The following NTF3 variants were observed in gnomAD, a reference collection of about 807,000 sequenced individuals.
The protein encoded by NTF3 is neurotrophin 3.
In NTF3, 8 loss-of-function variants were observed where a neutral mutation model predicts 26.3. The observed-to-expected ratio is 0.30, with a 90% CI of 0.18 to 0.55. The LOEUF is 0.55. Among genes scored for constraint, NTF3 ranks in the 20% least tolerant of loss-of-function variants. NTF3 has a pLI of 0.93. For synonymous variants in NTF3, 154 were observed against 145.5 expected (o/e 1.06, Z -0.42); for missense variants, 276 against 352.9 (o/e 0.78, Z 1.75).
intron 1 of NTF3, among the ~76,000 whole-genome samples, chr12:5,461,854 G>A (rs1335144801): frequency 2.0e-5 from 3 of 152,092 alleles, no homozygotes; most frequent in South Asian, 2.1e-4. Context: ...GCTGATCCAC[G>A]ACTCTTATTT....
chr12:5,445,590 A>G (rs1482758854), intron 1 of NTF3, among the ~76,000 whole-genome samples: 1 of 152,154 alleles, frequency 6.6e-6, no homozygotes, highest in Non-Finnish European at 1.5e-5. Flanking sequence ...GACTATTCCA[A>G]TCTCACTTTG....
At position 5,491,904 on chromosome 12, in the gene NTF3, C is replaced by T. The variant is rs929718044; in HGVS notation, c.19-2290C>T. 5.3e-5 allele frequency among the ~76,000 whole-genome samples: 8 copies of T among 151,326 alleles called. No homozygotes were observed. The South Asian group carries it at 6.3e-4, about 12-fold the overall frequency. ...GCTAATTTTTGTATTTTTTTTTAGACGGGGTTTCACCTTGTTAGCCAGGAT... is the reference window on the plus strand; with the variant it reads ...GCTAATTTTTGTATTTTTTTTTAGATGGGGTTTCACCTTGTTAGCCAGGAT... On this transcript the variant is annotated intron_variant, in intron 1 of 1. Transcript: ENST00000423158.
chr12:5,443,703 A>G lies in NTF3; in HGVS notation c.18+11361A>G, dbSNP rs372159326. Among the ~76,000 whole-genome samples the G allele has an allele frequency of 1.6e-4, 25 of 152,302 alleles. 1 individual carries two copies. The South Asian group carries it at 5.2e-3, about 32-fold the overall frequency. On this transcript the variant is annotated intron_variant, in intron 1 of 1. Transcript: ENST00000423158. Reference sequence around the variant, plus strand: ...TCTTTGAGTATTTGAGACTTTTGGTAGCTGTGGATTAAAATGAGGAAAAGA... The same window carrying G: ...TCTTTGAGTATTTGAGACTTTTGGTGGCTGTGGATTAAAATGAGGAAAAGA...
chr12:5,432,257 T>C lies in NTF3; in HGVS notation c.-68T>C, dbSNP rs1253562657. On this transcript the variant is annotated 5_prime_UTR_variant, in exon 1 of 2. Coordinates refer to ENST00000423158, the MANE Select transcript of NTF3 (RefSeq NM_001102654.2). ...GGCTGCGGCGGGGTGGGGGAGACTT[T>C]GAATGACCGAGCTCGCGTCCACCTT... is the stretch of plus-strand genomic sequence containing the variant. 4.3e-5 allele frequency: 68 copies of C among 1,584,550 alleles called. No homozygotes were observed. The highest frequency in any genetic ancestry group is 5.9e-5 in the Non-Finnish European group (68 of 1,154,400).
intron 1 of NTF3, among the ~76,000 whole-genome samples, chr12:5,442,727 A>T (rs1940254404): frequency 1.3e-5 from 2 of 152,214 alleles, no homozygotes; most frequent in Non-Finnish European, 1.5e-5. Flanking sequence ...TTTAGAATTT[A>T]GAAGGGAGCC....
intron 1 of NTF3, among the ~76,000 whole-genome samples, chr12:5,452,317 G>A (rs1425659351): frequency 6.6e-6 from 1 of 151,024 alleles, no homozygotes; most frequent in Non-Finnish European, 1.5e-5. Flanking sequence ...GGAAGGTCTC[G>A]ATCTCTTGAC....
At position 5,494,045 on chromosome 12, in the gene NTF3, A is replaced by G. The variant is rs1295327297; in HGVS notation, c.19-149A>G. ...TGGGGGAAAGAAATCACCTCTTCAG[A>G]ATGTCCAGAGGGGAGTTGCCTTGCT... On this transcript the variant is annotated intron_variant, in intron 1 of 1. Transcript: ENST00000423158. This position sits in a 1 kb window ranked among gnomAD's most constrained non-coding sequence, Gnocchi z 8.3. 3 of 660,664 alleles carry G rather than the reference A, an allele frequency of 4.5e-6. No individual in the cohort carries two copies. Among genetic ancestry groups the G allele is most frequent in the Admixed American group, 5.8e-5 (2 of 34,686 alleles). 40.9% of individuals were successfully genotyped at this position (660,664 alleles called of 1,614,324 possible). A position where few individuals can be genotyped will look rare whatever the true frequency, so the allele number is the denominator to read the frequency against.
intron 1 of NTF3, among the ~76,000 whole-genome samples, chr12:5,442,312 T>C (rs928660082): frequency 6.6e-6 from 1 of 152,204 alleles, no homozygotes; most frequent in African/African-American, 2.4e-5. Flanking sequence ...GGTTTTCTTG[T>C]CCCTGAATTC....
chr12:5,470,081 T>C (rs1040968206), intron 1 of NTF3, among the ~76,000 whole-genome samples: 3 of 152,116 alleles, frequency 2.0e-5, no homozygotes, highest in Admixed American at 6.5e-5. Context: ...CCCGCCACCA[T>C]GCCTGGCTAA....
In NTF3 at chr12:5,482,176, GCACA is replaced by G. The variant is rs200425666; in HGVS notation, c.19-12008_19-12005del. Among the ~76,000 whole-genome samples the G allele has an allele frequency of 9.9e-4, 150 of 152,016 alleles. 3 individuals are homozygous for G. The East Asian group carries it at 0.029, about 29-fold the overall frequency. ...TGTGTGCTCATGCGTACACGAGCGC[GCACA>G]CACACACACTGCCTGACTTGTTTCC... On this transcript the variant is annotated intron_variant, in intron 1 of 1. Transcript: ENST00000423158.
chr12:5,442,928 G>T (rs950738899), intron 1 of NTF3, among the ~76,000 whole-genome samples: 1 of 150,572 alleles, frequency 6.6e-6, no homozygotes, highest in African/African-American at 2.4e-5. Flanking sequence ...GTGTAGATTT[G>T]CAGAGAAGCA....
chr12:5,446,774 C>T (rs958439976), intron 1 of NTF3, among the ~76,000 whole-genome samples: 1 of 152,178 alleles, frequency 6.6e-6, no homozygotes, highest in African/African-American at 2.4e-5. Flanking sequence ...CATGCTGGAG[C>T]CGGATGTCTA....
chr12:5,487,184 G>T (rs1241090602), intron 1 of NTF3, among the ~76,000 whole-genome samples: 1 of 152,198 alleles, frequency 6.6e-6, no homozygotes, highest in Admixed American at 6.5e-5. Flanking sequence ...CCAAGATGGG[G>T]CTAAGCCAGA....
Position 5,445,444 on chromosome 12 carries a change from A to AT in NTF3, c.18+13103dup, listed in dbSNP as rs1284239504. On this transcript the variant is annotated intron_variant, in intron 1 of 1. Transcript: ENST00000423158. ...TTCAAGGCCACATTGCTTAGCATGT[A>AT]TAAGGAAAGTGTGTGCGGCAGAGAC... Among the ~76,000 whole-genome samples the AT allele has an allele frequency of 7.2e-5, 11 of 152,268 alleles. No homozygotes were observed. The East Asian group carries it at 1.5e-3, about 21-fold the overall frequency.
chr12:5,432,622 TCTC>T (rs1940110627), intron 1 of NTF3, among the ~76,000 whole-genome samples: 1 of 138,804 alleles, frequency 7.2e-6, no homozygotes, highest in East Asian at 2.2e-4. Context: ...CGGACACCCT[TCTC>T]CACCTCCTCC....
intron 1 of NTF3, among the ~76,000 whole-genome samples, chr12:5,461,600 C>A (rs1457316694): frequency 6.6e-6 from 1 of 152,048 alleles, no homozygotes; most frequent in Non-Finnish European, 1.5e-5. Context: ...CCTTACCACC[C>A]TCCCGCCATG....
rs796739638 is a variant in NTF3, at chr12:5,438,157, C to CA, written c.18+5828dup. Among the ~76,000 whole-genome samples, 879 of 101,488 alleles carry CA rather than the reference C, an allele frequency of 8.7e-3. 6 individuals are homozygous for CA. The highest frequency in any genetic ancestry group is 0.021 in the African/African-American group (558 of 26,590). The allele number at this position is 101,488 out of a possible 152,430, so 66.6% of individuals were successfully genotyped here. A position where few individuals can be genotyped will look rare whatever the true frequency, so the allele number is the denominator to read the frequency against. On this transcript the variant is annotated intron_variant, in intron 1 of 1. Transcript: ENST00000423158. Reference sequence around the variant, plus strand: ...GATTTCTAACAAGATTGAGGCTGGACAAAAAAAAAAAAAGTCTTTCAGAGG... The same window carrying CA: ...GATTTCTAACAAGATTGAGGCTGGACAAAAAAAAAAAAAAGTCTTTCAGAGG...
intron 1 of NTF3, among the ~76,000 whole-genome samples, chr12:5,487,615 C>T (rs79730964): frequency 0.01 from 1,561 of 152,294 alleles, 21 homozygotes; most frequent in Non-Finnish European, 0.016. Context: ...AATTGAGTGT[C>T]TTGTCCTGTT....
intron 1 of NTF3, among the ~76,000 whole-genome samples, chr12:5,466,789 G>C (rs1940595198): frequency 6.6e-6 from 1 of 152,210 alleles, no homozygotes; most frequent in Non-Finnish European, 1.5e-5. Flanking sequence ...GGGTTTCCCG[G>C]GGAGGGGGGA....
Sources: gnomAD v4.1 joint callset for allele counts (sites outside exome capture counted in the v4.1 genomes callset) on GRCh38, gnomAD v4.1.1 for gene constraint, Gnocchi (gnomAD v3.1) non-coding constraint, MANE v1.5 for transcripts, NCBI Gene and HGNC (gene_info 2026-07-23, HGNC 2026-07-21) for gene names.